The following SPATA6 variants were observed in gnomAD, a reference collection of about 807,000 sequenced individuals.
SPATA6 encodes spermatogenesis-associated protein 6.
A neutral mutation model predicts 65.3 loss-of-function variants in SPATA6; 56 were observed. That is an observed-to-expected ratio of 0.86 (90% CI 0.69 to 1.07). The LOEUF (loss-of-function observed/expected upper bound fraction) is 1.07. Ranked by LOEUF, SPATA6 falls within the 50% of genes least tolerant of loss-of-function variation. The probability of loss-of-function intolerance (pLI) is 0.00; values close to 1 mark genes in which losing one functional copy is unlikely to be tolerated. For synonymous variants in SPATA6, 199 were observed against 213.2 expected, an observed-to-expected ratio of 0.93 and a Z score of 0.58; for missense variants, 590 against 594.8, an observed-to-expected ratio of 0.99 and a Z score of 0.08.
intron 9 of SPATA6, among the ~76,000 whole-genome samples, chr1:48,365,887 T>C (rs1237763483): frequency 1.3e-5 from 2 of 152,144 alleles, no homozygotes; most frequent in African/African-American, 4.8e-5. Flanking sequence ...TCAAAGGGAA[T>C]GTTCCCAGTT....
At chr1:48,412,566 A>C (rs945205755) in intron 4 of SPATA6, among the ~76,000 whole-genome samples, 2 of 152,242 alleles carry the variant, frequency 1.3e-5, no homozygotes, top group African/African-American at 4.8e-5. Flanking sequence ...TTTTACACAT[A>C]GTAGATCAAC....
chr1:48,413,376 G>A (rs999810304), intron 3 of SPATA6, among the ~76,000 whole-genome samples: 15 of 148,820 alleles, frequency 1.0e-4, no homozygotes, highest in Admixed American at 7.4e-4. Context: ...TGCAACCTCC[G>A]CCTCCCGGAT....
At chr1:48,354,068 T>C (rs779297094) in intron 11 of SPATA6, among the ~76,000 whole-genome samples, 1 of 152,068 alleles carries the variant, frequency 6.6e-6, no homozygotes, top group Non-Finnish European at 1.5e-5. Context: ...GAACAAATGA[T>C]GTGAACACAA....
chr1:48,376,466 A>G (rs1277829353), intron 9 of SPATA6, among the ~76,000 whole-genome samples: 1 of 152,088 alleles, frequency 6.6e-6, no homozygotes, highest in African/African-American at 2.4e-5. Flanking sequence ...ATTTTTCTTA[A>G]GATTGCAGAG....
At chr1:48,431,398 AAC>A (rs1300407921) in intron 3 of SPATA6, among the ~76,000 whole-genome samples, 1 of 152,060 alleles carries the variant, frequency 6.6e-6, no homozygotes, top group African/African-American at 2.4e-5. Flanking sequence ...AACCTAAAAA[AAC>A]ACACACACAA....
chr1:48,334,144 G>T (rs914728902), intron 11 of SPATA6, among the ~76,000 whole-genome samples: 1 of 151,728 alleles, frequency 6.6e-6, no homozygotes, highest in Non-Finnish European at 1.5e-5. Flanking sequence ...ATCGATAGCC[G>T]ACCAACCAAT....
At chr1:48,447,446 G>C (rs1203356821) in intron 3 of SPATA6, among the ~76,000 whole-genome samples, 1 of 152,202 alleles carries the variant, frequency 6.6e-6, no homozygotes, top group Non-Finnish European at 1.5e-5. Flanking sequence ...TTGAACCTGA[G>C]AGATGGAGCT....
At chr1:48,395,848 T>C (rs1468155259) in intron 7 of SPATA6, among the ~76,000 whole-genome samples, 1 of 151,790 alleles carries the variant, frequency 6.6e-6, no homozygotes, top group East Asian at 1.9e-4. Flanking sequence ...AAAAGAATGA[T>C]ACAAATGTAT....
intron 3 of SPATA6, among the ~76,000 whole-genome samples, chr1:48,431,829 G>A (rs914754105): frequency 8.5e-5 from 13 of 152,208 alleles, no homozygotes; most frequent in Non-Finnish European, 1.6e-4. Context: ...AATAAGAAAG[G>A]GCAGGGTGTA....
At chr1:48,430,402 G>GA (rs1654289756) in intron 3 of SPATA6, among the ~76,000 whole-genome samples, 1 of 152,016 alleles carries the variant, frequency 6.6e-6, no homozygotes, top group South Asian at 2.1e-4. Context: ...AACTGAAGGA[G>GA]AAACTATGAT....
At chr1:48,431,841 C>T (rs1316694923) in intron 3 of SPATA6, among the ~76,000 whole-genome samples, 2 of 152,194 alleles carry the variant, frequency 1.3e-5, no homozygotes, top group East Asian at 1.9e-4. Flanking sequence ...CAGGGTGTAG[C>T]GACTCACGCA....
chr1:48,409,660 A>T (rs1431619257), intron 5 of SPATA6, among the ~76,000 whole-genome samples: 2 of 152,234 alleles, frequency 1.3e-5, no homozygotes, highest in Non-Finnish European at 2.9e-5. Context: ...ATCTTCTGAA[A>T]TCTAGGCAGA....
chr1:48,401,285 TTA>T lies in SPATA6; in HGVS notation c.487-1643_487-1642del, dbSNP rs1450371070. ...TTCAGCAATGCTGTAAAGTTCTTTCTTATATATATACCTCTGATTATATCAAA... is the reference window on the plus strand; with the variant it reads ...TTCAGCAATGCTGTAAAGTTCTTTCTTATATATACCTCTGATTATATCAAA... On this transcript the variant is annotated intron_variant, in intron 6 of 12. Transcript: ENST00000371847. Among the ~76,000 whole-genome samples the T allele has an allele frequency of 3.9e-5, 6 of 152,042 alleles. No homozygotes were observed. In the East Asian group the frequency reaches 9.6e-4, roughly 24 times the overall value.
chr1:48,325,533 T>G (rs530267637), intron 11 of SPATA6: 2 of 1,198,730 alleles, frequency 1.7e-6, no homozygotes. Context: ...CACCCGGGAG[T>G]TCTTCCTCTT....
chr1:48,294,268 G>A (rs1339176509), downstream of SPATA6, among the ~76,000 whole-genome samples: 1 of 152,092 alleles, frequency 6.6e-6, no homozygotes, highest in Admixed American at 6.5e-5. Flanking sequence ...GTAGAGGCAG[G>A]GTTTCACCAT....
the SPATA6 span, among the ~76,000 whole-genome samples, chr1:48,285,361 G>A: frequency 6.6e-6 from 1 of 152,032 alleles, no homozygotes; most frequent in African/African-American, 2.4e-5. Context: ...TTAGCTTGCT[G>A]GGCTATGTTG....
chr1:48,365,363 G>A (rs1037923073), intron 9 of SPATA6, among the ~76,000 whole-genome samples: 1 of 152,106 alleles, frequency 6.6e-6, no homozygotes, highest in Non-Finnish European at 1.5e-5. Flanking sequence ...GATGGGGGTG[G>A]CATTGAATCT....
chr1:48,351,078 G>A (rs540693621), intron 11 of SPATA6, among the ~76,000 whole-genome samples: 34 of 151,702 alleles, frequency 2.2e-4, no homozygotes, highest in Non-Finnish European at 4.7e-4. Flanking sequence ...TACACATATT[G>A]TTAGAATTTT....
At chr1:48,291,929 C>T (rs1036785156), downstream of SPATA6, among the ~76,000 whole-genome samples, 4 of 152,130 alleles carry the variant, frequency 2.6e-5, no homozygotes, top group South Asian at 8.3e-4. Flanking sequence ...TTTTAAATCT[C>T]TTTGTTGAAG....
Sources: allele counts gnomAD v4.1 joint callset (sites outside exome capture counted in the v4.1 genomes callset), GRCh38; gene constraint gnomAD v4.1.1; transcripts MANE v1.5; gene names NCBI Gene and HGNC (gene_info 2026-07-23, HGNC 2026-07-21).